Variants in ALS2 observed in about 807,000 individuals in gnomAD.
The protein encoded by ALS2 is alsin Rho guanine nucleotide exchange factor ALS2.
A neutral mutation model predicts 203.4 loss-of-function variants in ALS2; 117 were observed. That is an observed-to-expected ratio of 0.58 (90% CI 0.50 to 0.67). The LOEUF (loss-of-function observed/expected upper bound fraction) is 0.67, where lower values mean the gene tolerates loss of function less well. Ranked by LOEUF, ALS2 falls within the 30% of genes least tolerant of loss-of-function variation. The probability of loss-of-function intolerance (pLI) is 0.00; values close to 1 mark genes in which losing one functional copy is unlikely to be tolerated. For synonymous variants in ALS2, 718 were observed against 725.9 expected (o/e 0.99, Z 0.17); for missense variants, 1,715 against 1,989.4 (o/e 0.86, Z 2.62).
chr2:201,753,007 T>A (rs1693159052), intron 7 of ALS2, 139 bp downstream of exon 7: 2 of 780,294 alleles, frequency 2.6e-6, no homozygotes, highest in Non-Finnish European at 2.3e-6. Context: ...AATAATACCA[T>A]ACAAAATATT....
intron 4 of ALS2, chr2:201,760,413 G>C (rs1413867926): frequency 4.0e-6 from 4 of 988,058 alleles, no homozygotes; most frequent in Non-Finnish European, 4.8e-6. Context: ...GTAATTGCCT[G>C]TAAGTTTTAA....
intron 16 of ALS2, 151 bp downstream of exon 16, chr2:201,727,554 A>G (rs1315210351): frequency 9.4e-5 from 69 of 735,652 alleles, no homozygotes; most frequent in Non-Finnish European, 4.6e-6. Context: ...TCAATAGACT[A>G]CTTTACTGTC....
intron 1 of ALS2, among the ~76,000 whole-genome samples, chr2:201,771,626 T>C (rs1333742026): frequency 1.3e-5 from 2 of 152,226 alleles, no homozygotes; most frequent in South Asian, 2.1e-4. Context: ...TGAAAAACTT[T>C]TGTCTTTCTA....
In ALS2 at chr2:201,753,242, C is replaced by T. The variant is rs34122078; in HGVS notation, c.1641G>A (p.Arg547=). The T allele has an allele frequency of 6.4e-4, 1,040 of 1,613,462 alleles. No individual in the cohort carries two copies. Among genetic ancestry groups the T allele is most frequent in the Non-Finnish European group, 8.3e-4 (978 of 1,179,578 alleles). ...GACATTTTACACACAACGGTTGAAG[C>T]CTTAAAAAGAAACACACAGGCACAC... is the stretch of plus-strand genomic sequence containing the variant. ...GQLGHGDVLP[R]LQPLCVKCLD... Residue 547 remains arginine, a splice_region_variant and synonymous_variant, in exon 7 of 34, where the codon AGG becomes AGA. Transcript: ENST00000264276.
intron 1 of ALS2, among the ~76,000 whole-genome samples, chr2:201,770,777 C>T (rs1459527447): frequency 6.6e-6 from 1 of 152,102 alleles, no homozygotes; most frequent in African/African-American, 2.4e-5. Context: ...AAGAAGGCAG[C>T]CATGAGCCAA....
In ALS2 at chr2:201,760,536, T is replaced by C. The variant is rs933999553; in HGVS notation, c.1113+345A>G. On this transcript the variant is annotated intron_variant, in intron 4 of 33. Transcript: ENST00000264276. Reference sequence around the variant, plus strand: ...TTACAAACACAAGTAAGAAGAATCTTTGTGAATCTCTAGTTATATTAAACT... The same window carrying C: ...TTACAAACACAAGTAAGAAGAATCTCTGTGAATCTCTAGTTATATTAAACT... The C allele has an allele frequency of 2.4e-5, 25 of 1,048,824 alleles. No homozygotes were observed. In the Admixed American group the frequency reaches 7.4e-4, roughly 31 times the overall value. The allele number at this position is 1,048,824 out of a possible 1,614,324, so 65.0% of individuals were successfully genotyped here. A position where few individuals can be genotyped will look rare whatever the true frequency, so the allele number is the denominator to read the frequency against.
rs1023983795 is a variant in ALS2 at position 201,700,288 on chromosome 2, C to T, written c.*1563G>A. Among the ~76,000 whole-genome samples the T allele has an allele frequency of 1.3e-5, 2 of 152,098 alleles. No homozygotes were observed. Among genetic ancestry groups the T allele is most frequent in the Non-Finnish European group, 2.9e-5 (2 of 68,010 alleles). ...TAACTATCAAAATATGCTTTTTATT[C>T]AAAGAAATAATAGATTTCTTTGGAG... On this transcript the variant is annotated 3_prime_UTR_variant, in exon 34 of 34. Transcript: ENST00000264276.
chr2:201,766,658 T>TA (rs1694096837), intron 3 of ALS2, among the ~76,000 whole-genome samples: 1 of 144,476 alleles, frequency 6.9e-6, no homozygotes, highest in Non-Finnish European at 1.5e-5. Flanking sequence ...TCAAAAAAAA[T>TA]AAAATAAAAA....
chr2:201,716,904 C>T (rs1690433280), intron 24 of ALS2, among the ~76,000 whole-genome samples: 1 of 151,904 alleles, frequency 6.6e-6, no homozygotes, highest in African/African-American at 2.4e-5. Context: ...ACCTGAGGTG[C>T]TACCAAATAT....
At chr2:201,772,661 G>C (rs1474127653) in intron 1 of ALS2, among the ~76,000 whole-genome samples, 1 of 151,906 alleles carries the variant, frequency 6.6e-6, no homozygotes, top group East Asian at 1.9e-4. Flanking sequence ...TTGCCCCAAG[G>C]GTTTTGAATA....
At chr2:201,758,758 GCA>G (rs1559080850) in intron 4 of ALS2, among the ~76,000 whole-genome samples, 227 of 86,760 alleles carry the variant, frequency 2.6e-3, no homozygotes, top group African/African-American at 7.4e-3. Flanking sequence ...GTGTGTGTGC[GCA>G]TGTGTGTGTG....
intron 8 of ALS2, 56 bp from the exon 9 acceptor site, chr2:201,746,804 C>CAGTTCCTGT: frequency 6.3e-7 from 1 of 1,598,332 alleles, no homozygotes; most frequent in Non-Finnish European, 8.6e-7. Context: ...GAGAGAACTT[C>CAGTTCCTGT]GGATCCACAG....
intron 25 of ALS2, among the ~76,000 whole-genome samples, chr2:201,712,285 T>A (rs1459949031): frequency 6.6e-6 from 1 of 152,324 alleles, no homozygotes; most frequent in South Asian, 2.1e-4. Flanking sequence ...TCCTGAAGTA[T>A]CTTTCAACCT....
At position 201,727,267 on chromosome 2, in the gene ALS2, T is replaced by G; in HGVS notation, c.2924A>C (p.Lys975Thr). Residue 975 changes from lysine to threonine, a missense_variant, in exon 17 of 34, where the codon AAG becomes ACG. Coordinates refer to ENST00000264276, the MANE Select transcript of ALS2 (RefSeq NM_020919.4). ...GAACTGCTCCTCAGGTGTAGTTATCTTTAAGCCATTCCTAAAACGTTCACA... is the reference window on the plus strand; with the variant it reads ...GAACTGCTCCTCAGGTGTAGTTATCGTTAAGCCATTCCTAAAACGTTCACA... Reference protein sequence around the residue: ...SEEAGGVNGLKITTPEEQFTL... With the variant: ...SEEAGGVNGLTITTPEEQFTL... 6.2e-7 allele frequency: 1 copy of G among 1,613,584 alleles called. No individual in the cohort carries two copies. The highest frequency in any genetic ancestry group is 8.5e-7 in the Non-Finnish European group (1 of 1,179,504).
At chr2:201,778,608 T>TTCTTA (rs1424244245) in intron 1 of ALS2, 1 of 152,152 alleles carries the variant, frequency 6.6e-6, no homozygotes, top group Non-Finnish European at 1.5e-5. Context: ...ACCTAACATT[T>TTCTTA]TCTTAAGGAC....
In ALS2 at chr2:201,734,854, A is replaced by G. The variant is rs1315445216; in HGVS notation, c.2418-1416T>C. 2.6e-4 allele frequency among the ~76,000 whole-genome samples: 40 copies of G among 152,274 alleles called. 2 individuals carry two copies. Among genetic ancestry groups the G allele is most frequent in the Admixed American group, 2.6e-3 (40 of 15,278 alleles). Reference sequence around the variant, plus strand: ...AGCTTATCTTTTCTTGGGAGTTTTTAATCTAATAGTGGCAATATCACTCTT... The same window carrying G: ...AGCTTATCTTTTCTTGGGAGTTTTTGATCTAATAGTGGCAATATCACTCTT... On this transcript the variant is annotated intron_variant, in intron 12 of 33. Transcript: ENST00000264276.
At chr2:201,779,990 A>G (rs1694823427) in intron 1 of ALS2, 1 of 152,242 alleles carries the variant, frequency 6.6e-6, no homozygotes, top group Non-Finnish European at 1.5e-5. Context: ...TGCTCAGAAT[A>G]AACATATCAC....
At chr2:201,743,918 G>A (rs975070867) in intron 10 of ALS2, among the ~76,000 whole-genome samples, 1 of 152,168 alleles carries the variant, frequency 6.6e-6, no homozygotes, top group African/African-American at 2.4e-5. Flanking sequence ...GATCTCTTAG[G>A]ACCAGCAGGG....
intron 1 of ALS2, among the ~76,000 whole-genome samples, chr2:201,772,333 T>C (rs1559093175): frequency 6.6e-6 from 1 of 152,192 alleles, no homozygotes; most frequent in Non-Finnish European, 1.5e-5. Flanking sequence ...GTTAGAAAGA[T>C]GAGCTACAAC....
Sources: allele counts gnomAD v4.1 joint callset (sites outside exome capture counted in the v4.1 genomes callset), GRCh38; gene constraint gnomAD v4.1.1; transcripts MANE v1.5; gene names NCBI Gene and HGNC (gene_info 2026-07-23, HGNC 2026-07-21).